The following CTNND2 variants were observed in gnomAD, a reference collection of about 807,000 sequenced individuals.
CTNND2 encodes catenin delta 2.
In CTNND2, 22 loss-of-function variants were observed where a neutral mutation model predicts 144.4. The observed-to-expected ratio is 0.15, with a 90% CI of 0.11 to 0.22. The LOEUF is 0.22. Among genes scored for constraint, CTNND2 ranks in the 10% least tolerant of loss-of-function variants. CTNND2 has a pLI of 1.00. For missense variants in CTNND2, 1,353 were observed against 1,618.8 expected, an observed-to-expected ratio of 0.84 and a Z score of 2.82; for synonymous variants, 751 against 695.6, an observed-to-expected ratio of 1.08 and a Z score of -1.25.
intron 3 of CTNND2, among the ~76,000 whole-genome samples, chr5:11,553,163 T>C (rs899955769): frequency 2.6e-5 from 4 of 152,238 alleles, no homozygotes; most frequent in Non-Finnish European, 4.4e-5. Context: ...ACTATCACTC[T>C]TCTTTTTACT....
chr5:11,302,389 T>C (rs1412423906), intron 9 of CTNND2, among the ~76,000 whole-genome samples: 3 of 152,058 alleles, frequency 2.0e-5, no homozygotes, highest in Non-Finnish European at 4.4e-5. Flanking sequence ...TCCTCTTAGC[T>C]GAAGTCTCGG....
At chr5:11,630,954 C>CA (rs200482921) in intron 2 of CTNND2, among the ~76,000 whole-genome samples, 4,120 of 140,854 alleles carry the variant, frequency 0.029, 191 homozygotes, top group African/African-American at 0.095. Context: ...AACTCCATCT[C>CA]AAAAAAAAAA....
At chr5:11,516,824 A>G (rs1307189298) in intron 3 of CTNND2, among the ~76,000 whole-genome samples, 2 of 152,196 alleles carry the variant, frequency 1.3e-5, no homozygotes, top group Non-Finnish European at 2.9e-5. Flanking sequence ...AGAAGTTAAC[A>G]TGCTTACCCA....
At chr5:11,125,798 T>C (rs1754615784) in intron 12 of CTNND2, among the ~76,000 whole-genome samples, 1 of 152,248 alleles carries the variant, frequency 6.6e-6, no homozygotes, top group Admixed American at 6.5e-5. Flanking sequence ...ATGTCCACAC[T>C]CTTCGCTTTC....
chr5:11,630,257 G>A (rs1781349563), intron 2 of CTNND2, among the ~76,000 whole-genome samples: 1 of 152,140 alleles, frequency 6.6e-6, no homozygotes, highest in Admixed American at 6.5e-5. Flanking sequence ...TGTGACAAAT[G>A]TCTGCTACAC....
intron 1 of CTNND2, among the ~76,000 whole-genome samples, chr5:11,900,646 C>A (rs1737780591): frequency 6.6e-6 from 1 of 152,224 alleles, no homozygotes; most frequent in South Asian, 2.1e-4. Flanking sequence ...TAACTTTTCA[C>A]ACACCAGAAG....
At chr5:11,383,154 A>G (rs1758689121) in intron 7 of CTNND2, among the ~76,000 whole-genome samples, 1 of 152,106 alleles carries the variant, frequency 6.6e-6, no homozygotes, top group Admixed American at 6.6e-5. Context: ...CTGGAAGCTA[A>G]GACTCCTGAT....
At chr5:11,434,759 A>T (rs1282986790) in intron 3 of CTNND2, among the ~76,000 whole-genome samples, 2 of 152,224 alleles carry the variant, frequency 1.3e-5, no homozygotes, top group African/African-American at 4.8e-5. Flanking sequence ...TGTTTTTTAC[A>T]TAATTAAATG....
intron 1 of CTNND2, among the ~76,000 whole-genome samples, chr5:11,864,384 T>G (rs1334988275): frequency 6.6e-6 from 1 of 152,242 alleles, no homozygotes; most frequent in African/African-American, 2.4e-5. Flanking sequence ...ATGTGACATT[T>G]TGATTATTTA....
chr5:11,315,207 C>T lies in CTNND2; in HGVS notation c.1628+31165G>A, dbSNP rs534401751. Reference sequence around the variant, plus strand: ...ATGATCCTCTCCATACTACCTTGTACTAGAAAGAGTGGAGCAGTTAAAGGG... The same window carrying T: ...ATGATCCTCTCCATACTACCTTGTATTAGAAAGAGTGGAGCAGTTAAAGGG... On this transcript the variant is annotated intron_variant, in intron 9 of 21. Transcript: ENST00000304623. 7.9e-5 allele frequency among the ~76,000 whole-genome samples: 12 copies of T among 152,210 alleles called. No individual in the cohort carries two copies. In the South Asian group the frequency reaches 2.5e-3, roughly 32 times the overall value.
intron 4 of CTNND2, 74 bp downstream of exon 4, chr5:11,411,961 T>G: frequency 8.3e-7 from 1 of 1,200,252 alleles, no homozygotes; most frequent in South Asian, 1.2e-5. Flanking sequence ...AGTCTCATTC[T>G]AAAGTTCATA....
intron 15 of CTNND2, among the ~76,000 whole-genome samples, chr5:11,091,522 C>G (rs1245405948): frequency 6.6e-6 from 1 of 152,048 alleles, no homozygotes; most frequent in Non-Finnish European, 1.5e-5. Context: ...TAGTTGTATG[C>G]CAGACATTCT....
intron 2 of CTNND2, among the ~76,000 whole-genome samples, chr5:11,597,216 A>T (rs938638832): frequency 6.6e-6 from 1 of 152,226 alleles, no homozygotes; most frequent in Non-Finnish European, 1.5e-5. Flanking sequence ...ATTTCCGAAC[A>T]GTGCCTATAC....
chr5:11,447,892 G>A (rs1764968603), intron 3 of CTNND2, among the ~76,000 whole-genome samples: 1 of 152,298 alleles, frequency 6.6e-6, no homozygotes, highest in South Asian at 2.1e-4. Context: ...ACTGCTTGAT[G>A]TACTAGTTGT....
chr5:11,694,800 T>C (rs144219947), intron 2 of CTNND2, among the ~76,000 whole-genome samples: 2 of 152,314 alleles, frequency 1.3e-5, no homozygotes, highest in East Asian at 3.9e-4. Flanking sequence ...TCATAAATAT[T>C]TCTTTTCAAG....
intron 9 of CTNND2, among the ~76,000 whole-genome samples, chr5:11,342,139 A>G (rs2149732862): frequency 6.6e-6 from 1 of 152,338 alleles, no homozygotes; most frequent in East Asian, 1.9e-4. Context: ...AAAAAGAAAA[A>G]GCAGCATTTG....
chr5:11,141,791 G>A (rs574307326), intron 12 of CTNND2, among the ~76,000 whole-genome samples: 1 of 152,268 alleles, frequency 6.6e-6, no homozygotes, highest in South Asian at 2.1e-4. Flanking sequence ...GCTTGTGATT[G>A]ATTTCTTTGC....
chr5:11,301,604 A>T (rs531783362), intron 9 of CTNND2, among the ~76,000 whole-genome samples: 3 of 152,256 alleles, frequency 2.0e-5, no homozygotes, highest in Admixed American at 1.3e-4. Context: ...TCTTCCCCTG[A>T]AGTTTCATTG....
intron 3 of CTNND2, among the ~76,000 whole-genome samples, chr5:11,453,772 G>T (rs1765488554): frequency 2.0e-5 from 3 of 151,928 alleles, no homozygotes; most frequent in Non-Finnish European, 4.4e-5. Context: ...GATGTAACAT[G>T]AATCTCTTTT....
Sources: allele counts gnomAD v4.1 joint callset (sites outside exome capture counted in the v4.1 genomes callset), GRCh38; gene constraint gnomAD v4.1.1; transcripts MANE v1.5; gene names NCBI Gene and HGNC (gene_info 2026-07-23, HGNC 2026-07-21).